ZFAT: variants seen among roughly 807,000 people sequenced by gnomAD.
The protein encoded by ZFAT is zinc finger protein ZFAT.
Under a neutral mutation model 117.7 loss-of-function variants are expected in ZFAT, and 64 were observed. The observed-to-expected ratio is 0.54, with a 90% CI of 0.44 to 0.67. ZFAT has a LOEUF of 0.67. Among genes scored for constraint, ZFAT ranks in the 30% least tolerant of loss-of-function variants. ZFAT has a pLI of 0.00. For missense variants in ZFAT, 1,433 were observed against 1,584.5 expected (o/e 0.90, Z 1.62); for synonymous variants, 679 against 615.0 (o/e 1.10, Z -1.54).
the ZFAT span, among the ~76,000 whole-genome samples, chr8:134,748,637 C>T: frequency 6.8e-3 from 1,032 of 152,284 alleles, 4 homozygotes; most frequent in Middle Eastern, 0.014. Flanking sequence ...CTATACAACG[C>T]GACACTGTTC....
chr8:134,747,431 C>G, the ZFAT span, among the ~76,000 whole-genome samples: 1 of 152,098 alleles, frequency 6.6e-6, no homozygotes, highest in Non-Finnish European at 1.5e-5. Flanking sequence ...GTTTAAGCAT[C>G]CTTTCTGAAA....
the ZFAT span, among the ~76,000 whole-genome samples, chr8:134,752,390 C>A: frequency 3.3e-5 from 5 of 151,948 alleles, no homozygotes; most frequent in Admixed American, 2.6e-4. Context: ...GCCCTTGAGC[C>A]ATCTTGAACA....
chr8:134,501,493 T>C (rs943797796), intron 15 of ZFAT, among the ~76,000 whole-genome samples: 2 of 152,220 alleles, frequency 1.3e-5, no homozygotes, highest in African/African-American at 4.8e-5. Context: ...CTTGGAAGGA[T>C]TTGATTCCTT....
chr8:134,616,897 A>T (rs11166625), intron 3 of ZFAT, among the ~76,000 whole-genome samples: 20,513 of 152,226 alleles, frequency 0.13, 1,517 homozygotes, highest in Admixed American at 0.22. Flanking sequence ...CTCATAAAAA[A>T]TAAAATATAA....
chr8:134,787,062 T>G, the ZFAT span, among the ~76,000 whole-genome samples: 1 of 152,148 alleles, frequency 6.6e-6, no homozygotes, highest in African/African-American at 2.4e-5. Flanking sequence ...TTGCCCAGGC[T>G]AGTCTTGAAC....
chr8:134,581,662 T>G (rs1311189077), intron 10 of ZFAT, among the ~76,000 whole-genome samples: 4 of 152,160 alleles, frequency 2.6e-5, no homozygotes, highest in Non-Finnish European at 5.9e-5. Flanking sequence ...CTTGGCTCAC[T>G]GCAACTTCCG....
chr8:134,712,969 T>G lies in ZFAT; in HGVS notation c.-106A>C, dbSNP rs567647969. ...CCTGCTGACGCTTCGCTTTTTATTT[T>G]TATTTTTTTAAGAAAAGAGCCGGCG... On this transcript the variant is annotated 5_prime_UTR_variant, in exon 1 of 16. Transcript: ENST00000377838. 162 of 1,312,328 alleles carry G rather than the reference T, an allele frequency of 1.2e-4. No homozygotes were observed. The African/African-American group carries it at 2.4e-3, about 19-fold the overall frequency. 81.3% of individuals were successfully genotyped at this position (1,312,328 alleles called of 1,614,324 possible). A position where few individuals can be genotyped will look rare whatever the true frequency, so the allele number is the denominator to read the frequency against.
upstream of ZFAT, among the ~76,000 whole-genome samples, chr8:134,713,588 C>T (rs1393774381): frequency 1.3e-5 from 2 of 152,144 alleles, no homozygotes; most frequent in African/African-American, 4.8e-5. Context: ...TTCCTCCTCT[C>T]TCGTCTCTTT....
At chr8:134,562,863 A>G (rs188566742) in intron 11 of ZFAT, among the ~76,000 whole-genome samples, 1 of 152,344 alleles carries the variant, frequency 6.6e-6, no homozygotes, top group East Asian at 1.9e-4. Context: ...CAACAATAAA[A>G]ACCAGTAAGG....
intron 1 of ZFAT, among the ~76,000 whole-genome samples, chr8:134,703,004 C>T (rs1027647876): frequency 4.6e-5 from 7 of 152,194 alleles, no homozygotes; most frequent in African/African-American, 7.2e-5. Context: ...TACCCAGTCT[C>T]GGGTATGTCT....
intron 1 of ZFAT, among the ~76,000 whole-genome samples, chr8:134,702,665 CTT>C (rs555992709): frequency 6.9e-6 from 1 of 144,044 alleles, no homozygotes; most frequent in African/African-American, 2.5e-5. Context: ...ATCTCTATTT[CTT>C]TTTTTTTTTT....
intron 15 of ZFAT, among the ~76,000 whole-genome samples, chr8:134,505,296 T>C (rs1254775874): frequency 6.6e-6 from 1 of 152,158 alleles, no homozygotes; most frequent in Non-Finnish European, 1.5e-5. Context: ...ATTTGTTGCA[T>C]GAAAAAATAA....
At chr8:134,660,563 G>A (rs1831877059) in intron 1 of ZFAT, among the ~76,000 whole-genome samples, 1 of 152,222 alleles carries the variant, frequency 6.6e-6, no homozygotes, top group South Asian at 2.1e-4. Flanking sequence ...ACATGTCACA[G>A]AACAATCCCA....
chr8:134,637,347 G>C, intron 3 of ZFAT, 114 bp downstream of exon 3: 3 of 1,349,274 alleles, frequency 2.2e-6, no homozygotes, highest in Non-Finnish European at 3.1e-6. Context: ...AGATGGGTGA[G>C]AGCTGAATAA....
the ZFAT span, among the ~76,000 whole-genome samples, chr8:134,776,620 G>A: frequency 6.6e-6 from 1 of 152,166 alleles, no homozygotes; most frequent in Admixed American, 6.5e-5. Context: ...CTGGAAAACA[G>A]CTAGGCCTGC....
intron 7 of ZFAT, chr8:134,597,789 A>G (rs1191900037): frequency 1.3e-5 from 2 of 152,172 alleles, no homozygotes; most frequent in Non-Finnish European, 2.9e-5. Context: ...AGAACTGCAA[A>G]TATCAGTAAG....
chr8:134,501,261 G>A lies in ZFAT; in HGVS notation c.3492+8358C>T, dbSNP rs1025544055. 3.3e-5 allele frequency among the ~76,000 whole-genome samples: 5 copies of A among 152,230 alleles called. No homozygotes were observed. The East Asian group carries it at 7.7e-4, about 23-fold the overall frequency. The stretch of plus-strand genomic sequence containing the variant: ...CCTATGCTCTCGGTCCTGGAGATAC[G>A]CAACCAATTTGCCCGCCTACAGAGG... On this transcript the variant is annotated intron_variant, in intron 15 of 15. Coordinates refer to ENST00000377838, the MANE Select transcript of ZFAT (RefSeq NM_020863.4).
intron 1 of ZFAT, among the ~76,000 whole-genome samples, chr8:134,694,692 T>G (rs1024033010): frequency 6.6e-6 from 1 of 152,160 alleles, no homozygotes; most frequent in Non-Finnish European, 1.5e-5. Flanking sequence ...AAGCTCCAGA[T>G]CCATGGTCTT....
chr8:134,565,517 C>T (rs1345704818), intron 10 of ZFAT, 96 bp from the exon 11 acceptor site: 1 of 1,153,418 alleles, frequency 8.7e-7, no homozygotes, highest in South Asian at 1.3e-5. Context: ...CAAAGGTGTT[C>T]CTTGCCATGT....
Sources: allele counts gnomAD v4.1 joint callset (sites outside exome capture counted in the v4.1 genomes callset), GRCh38; gene constraint gnomAD v4.1.1; transcripts MANE v1.5; gene names NCBI Gene and HGNC (gene_info 2026-07-23, HGNC 2026-07-21).